Variants in RSU1 observed in about 807,000 individuals in gnomAD.
RSU1 encodes the protein Ras suppressor protein 1, also known as rsu-1.
Under a neutral mutation model 31.1 loss-of-function variants are expected in RSU1, and 26 were observed. The ratio of observed to expected loss-of-function variants is 0.84; its 90% CI spans 0.61 to 1.16. The LOEUF (loss-of-function observed/expected upper bound fraction) is 1.16, where lower values mean the gene tolerates loss of function less well. Among genes scored for constraint, RSU1 ranks in the 50% most tolerant of loss-of-function variants. The probability of loss-of-function intolerance (pLI) is 0.00; values close to 1 mark genes in which losing one functional copy is unlikely to be tolerated. For missense variants in RSU1, 320 were observed against 339.1 expected, an observed-to-expected ratio of 0.94 and a Z score of 0.44; for synonymous variants, 164 against 136.3, an observed-to-expected ratio of 1.20 and a Z score of -1.41.
intron 8 of RSU1, among the ~76,000 whole-genome samples, chr10:16,693,183 C>A (rs1458852590): frequency 1.3e-5 from 2 of 152,204 alleles, no homozygotes. Context: ...AAACTCCTGA[C>A]CTCAAGTGAT....
intron 8 of RSU1, among the ~76,000 whole-genome samples, chr10:16,598,552 A>G (rs1833660185): frequency 6.6e-6 from 1 of 152,162 alleles, no homozygotes; most frequent in African/African-American, 2.4e-5. Flanking sequence ...GACCTTAACA[A>G]TCAATCAAAA....
chr10:16,815,462 G>C (rs1305251095), intron 2 of RSU1, among the ~76,000 whole-genome samples: 1 of 152,088 alleles, frequency 6.6e-6, no homozygotes, highest in Non-Finnish European at 1.5e-5. Context: ...CGCCTTTCAG[G>C]GTCTCCTGAA....
intron 2 of RSU1, among the ~76,000 whole-genome samples, chr10:16,810,880 G>A (rs1453985487): frequency 1.3e-5 from 2 of 152,028 alleles, no homozygotes; most frequent in African/African-American, 4.8e-5. Flanking sequence ...AAATTTGCCG[G>A]CAGTGGTGGC....
intron 7 of RSU1, among the ~76,000 whole-genome samples, chr10:16,697,310 C>G (rs1835696037): frequency 6.6e-6 from 1 of 152,160 alleles, no homozygotes; most frequent in African/African-American, 2.4e-5. Flanking sequence ...TGCCCACAGA[C>G]ATCAGCATGA....
chr10:16,685,185 G>A (rs1297298333), intron 8 of RSU1, among the ~76,000 whole-genome samples: 1 of 152,202 alleles, frequency 6.6e-6, no homozygotes, highest in African/African-American at 2.4e-5. Flanking sequence ...GGGAGGCAAA[G>A]GTTGCAGTGA....
chr10:16,664,268 C>A (rs1588701851), intron 8 of RSU1, among the ~76,000 whole-genome samples: 1 of 152,232 alleles, frequency 6.6e-6, no homozygotes, highest in African/African-American at 2.4e-5. Context: ...ACCAAAACGA[C>A]CACTATCGTC....
At chr10:16,727,200 G>T (rs1050623843) in intron 7 of RSU1, 12 of 452,950 alleles carry the variant, frequency 2.6e-5, no homozygotes, top group Non-Finnish European at 5.3e-5. Context: ...GACTCACCTG[G>T]GCGGAAAGAG....
At position 16,682,535 on chromosome 10, in the gene RSU1, TACACACACACAC is replaced by T. The variant is rs68128821; in HGVS notation, c.731+12476_731+12487del. ...CTCCATGGTCTTTTAAAATCATTCATACACACACACACACACACACACACACACACACACACA... is the reference window on the plus strand; with the variant it reads ...CTCCATGGTCTTTTAAAATCATTCATACACACACACACACACACACACACA... On this transcript the variant is annotated intron_variant, in intron 8 of 8. Transcript: ENST00000345264. Among the ~76,000 whole-genome samples the T allele has an allele frequency of 2.7e-3, 71 of 26,508 alleles. 1 individual carries two copies. In the South Asian group the frequency reaches 0.041, roughly 15 times the overall value. The allele number at this position is 26,508 out of a possible 152,430, so 17.4% of individuals were successfully genotyped here.
rs1374214774 is a variant in RSU1 at position 16,591,975 on chromosome 10, A to C, written c.*1419T>G. On this transcript the variant is annotated 3_prime_UTR_variant, in exon 9 of 9. Transcript: ENST00000345264. The stretch of plus-strand genomic sequence containing the variant: ...AATGTTCTATCAGGAATTTGTCTAG[A>C]AGCCAGAAGTTTAGACCTTGCTCTG... 2.6e-5 allele frequency: 4 copies of C among 151,656 alleles called. No homozygotes were observed. Among genetic ancestry groups the C allele is most frequent in the African/African-American group, 9.8e-5 (4 of 40,950 alleles). The allele number at this position is 151,656 out of a possible 1,614,324, so 9.4% of individuals were successfully genotyped here.
At chr10:16,744,307 A>G (rs774062526) in intron 7 of RSU1, among the ~76,000 whole-genome samples, 13 of 152,218 alleles carry the variant, frequency 8.5e-5, no homozygotes, top group Non-Finnish European at 1.8e-4. Context: ...TAGACAAGTG[A>G]CAAATGCATT....
intron 8 of RSU1, among the ~76,000 whole-genome samples, chr10:16,604,681 A>G (rs1454225629): frequency 6.6e-6 from 1 of 152,174 alleles, no homozygotes. Context: ...GTGGGGAAAC[A>G]AGGCCCAGAG....
At chr10:16,814,451 GAAAAAAAA>G (rs369214166) in intron 2 of RSU1, among the ~76,000 whole-genome samples, 1 of 121,202 alleles carries the variant, frequency 8.3e-6, no homozygotes, top group African/African-American at 3.3e-5. Flanking sequence ...CTGTTTTCAG[GAAAAAAAA>G]AAAAAAAAAG....
At chr10:16,666,981 AGAGT>A (rs1835002192) in intron 8 of RSU1, among the ~76,000 whole-genome samples, 1 of 151,912 alleles carries the variant, frequency 6.6e-6, no homozygotes, top group African/African-American at 2.4e-5. Flanking sequence ...CCTGGGCGAC[AGAGT>A]GAGACTCCGC....
chr10:16,600,568 A>G (rs57276326), intron 8 of RSU1, among the ~76,000 whole-genome samples: 40,520 of 139,012 alleles, frequency 0.29, 8,163 homozygotes, highest in African/African-American at 0.61. Context: ...TTTTTTTTTT[A>G]GGGGGGGGTG....
intron 2 of RSU1, among the ~76,000 whole-genome samples, chr10:16,806,535 T>C (rs1838270604): frequency 6.6e-6 from 1 of 152,178 alleles, no homozygotes; most frequent in Non-Finnish European, 1.5e-5. Flanking sequence ...TTTGAAAGAT[T>C]AATCCATACA....
At chr10:16,736,045 G>C (rs563388029) in intron 7 of RSU1, among the ~76,000 whole-genome samples, 1 of 152,294 alleles carries the variant, frequency 6.6e-6, no homozygotes, top group South Asian at 2.1e-4. Flanking sequence ...TGGCAATGCT[G>C]AATTGAAAGG....
intron 3 of RSU1, among the ~76,000 whole-genome samples, chr10:16,776,187 G>A (rs553526124): frequency 6.6e-6 from 1 of 152,128 alleles, no homozygotes; most frequent in South Asian, 2.1e-4. Flanking sequence ...TGCATAAAAA[G>A]GTTTCAATGT....
chr10:16,699,637 T>C (rs1835748016), intron 7 of RSU1, among the ~76,000 whole-genome samples: 1 of 152,206 alleles, frequency 6.6e-6, no homozygotes, highest in African/African-American at 2.4e-5. Flanking sequence ...CTGGTGGTGT[T>C]CTAACAAGGA....
intron 8 of RSU1, among the ~76,000 whole-genome samples, chr10:16,666,361 G>A (rs1834987542): frequency 6.6e-6 from 1 of 152,180 alleles, no homozygotes; most frequent in Middle Eastern, 3.2e-3. Flanking sequence ...GGGTAAAGAA[G>A]CAAGTACCCT....
Sources: gnomAD v4.1 joint callset for allele counts (sites outside exome capture counted in the v4.1 genomes callset) on GRCh38, gnomAD v4.1.1 for gene constraint, MANE v1.5 for transcripts, NCBI Gene and HGNC (gene_info 2026-07-23, HGNC 2026-07-21) for gene names.